Variants in CADM2 observed in about 807,000 individuals in gnomAD.
CADM2 encodes the protein cell adhesion molecule 2, also known as immunoglobulin superfamily member 4D.
Under a neutral mutation model 49.8 loss-of-function variants are expected in CADM2, and 12 were observed. The observed-to-expected ratio is 0.24, with a 90% CI of 0.15 to 0.39. The LOEUF (loss-of-function observed/expected upper bound fraction) is 0.39. Among genes scored for constraint, CADM2 ranks in the 10% least tolerant of loss-of-function variants. CADM2 has a pLI of 1.00. For synonymous variants in CADM2, 214 were observed against 175.4 expected (o/e 1.22, Z -1.74); for missense variants, 378 against 492.3 (o/e 0.77, Z 2.20).
chr3:85,667,009 A>G (rs1412650949), intron 1 of CADM2, among the ~76,000 whole-genome samples: 1 of 152,108 alleles, frequency 6.6e-6, no homozygotes, highest in Non-Finnish European at 1.5e-5. Flanking sequence ...CAAACAGGAT[A>G]TTACAAGATG....
At chr3:85,934,265 G>T (rs1438993261) in intron 6 of CADM2, among the ~76,000 whole-genome samples, 2 of 152,068 alleles carry the variant, frequency 1.3e-5, no homozygotes, top group African/African-American at 4.8e-5. Context: ...GTTCACAACT[G>T]TCATCTTCAT....
At chr3:85,528,546 T>G (rs755018765) in intron 1 of CADM2, among the ~76,000 whole-genome samples, 10 of 152,192 alleles carry the variant, frequency 6.6e-5, no homozygotes, top group Non-Finnish European at 1.2e-4. Context: ...TCAGTCTTCA[T>G]TATGGCGTAA....
At chr3:85,869,304 A>C (rs73147142) in intron 3 of CADM2, among the ~76,000 whole-genome samples, 11,521 of 152,170 alleles carry the variant, frequency 0.076, 778 homozygotes, top group African/African-American at 0.17. Flanking sequence ...ACTGAATTTA[A>C]ATATGGAATA....
chr3:85,040,558 G>C (rs1233627114), intron 1 of CADM2, among the ~76,000 whole-genome samples: 1 of 150,704 alleles, frequency 6.6e-6, no homozygotes, highest in African/African-American at 2.4e-5. Context: ...CGCTAGAGGA[G>C]AATTAAGCCA....
chr3:85,423,519 C>T (rs943266657), intron 1 of CADM2, among the ~76,000 whole-genome samples: 8 of 152,156 alleles, frequency 5.3e-5, no homozygotes, highest in Middle Eastern at 3.4e-3. Context: ...GATTGGCCTA[C>T]GAATAATAAT....
chr3:86,035,214 G>GT (rs1226060184), intron 8 of CADM2, among the ~76,000 whole-genome samples: 1 of 151,946 alleles, frequency 6.6e-6, no homozygotes, highest in Admixed American at 6.6e-5. Context: ...TTCCCCATAG[G>GT]TCGTGATCTC....
At chr3:85,029,625 A>G (rs2034891222) in intron 1 of CADM2, among the ~76,000 whole-genome samples, 1 of 152,226 alleles carries the variant, frequency 6.6e-6, no homozygotes, top group Non-Finnish European at 1.5e-5. Context: ...GTTTCTCACC[A>G]TTGTGATCTT....
chr3:85,158,766 C>T (rs946971265), intron 1 of CADM2, among the ~76,000 whole-genome samples: 3 of 151,936 alleles, frequency 2.0e-5, no homozygotes, highest in African/African-American at 7.3e-5. Context: ...GGGTGCAGCA[C>T]ACCAGCATGG....
intron 1 of CADM2, among the ~76,000 whole-genome samples, chr3:85,334,959 G>A (rs1012233060): frequency 6.6e-6 from 1 of 150,622 alleles, no homozygotes; most frequent in African/African-American, 2.4e-5. Flanking sequence ...ATAAAAATAG[G>A]GCTATGAAGT....
chr3:85,987,687 A>G (rs1728281093), intron 8 of CADM2, among the ~76,000 whole-genome samples: 1 of 146,740 alleles, frequency 6.8e-6, no homozygotes, highest in South Asian at 2.1e-4. Flanking sequence ...ATTTATATAA[A>G]ATAATATAAT....
At chr3:85,897,288 A>C (rs1267080118) in intron 5 of CADM2, among the ~76,000 whole-genome samples, 1 of 78,644 alleles carries the variant, frequency 1.3e-5, no homozygotes, top group Non-Finnish European at 2.1e-5. Context: ...TTTGAGACGG[A>C]GTCTCGCTCT....
chr3:85,584,848 T>C (rs1002120209), intron 1 of CADM2, among the ~76,000 whole-genome samples: 27 of 152,036 alleles, frequency 1.8e-4, no homozygotes, highest in African/African-American at 6.3e-4. Context: ...ATTTAAAGCT[T>C]GTGCTACTTC....
intron 1 of CADM2, among the ~76,000 whole-genome samples, chr3:85,464,293 T>C (rs1410081171): frequency 1.3e-5 from 2 of 152,186 alleles, no homozygotes; most frequent in African/African-American, 4.8e-5. Flanking sequence ...TGTGATCACA[T>C]CAATCTAAAA....
At chr3:85,630,755 A>C (rs971782293) in intron 1 of CADM2, among the ~76,000 whole-genome samples, 4 of 152,036 alleles carry the variant, frequency 2.6e-5, no homozygotes, top group Non-Finnish European at 5.9e-5. Flanking sequence ...CTAAGAAAGA[A>C]AATTAAGCAT....
At chr3:85,089,931 C>A (rs2037532306) in intron 1 of CADM2, among the ~76,000 whole-genome samples, 1 of 152,080 alleles carries the variant, frequency 6.6e-6, no homozygotes, top group African/African-American at 2.4e-5. Flanking sequence ...TTGGCGGGGA[C>A]TGAAAGTTTC....
intron 3 of CADM2, among the ~76,000 whole-genome samples, chr3:85,873,018 G>T (rs1026218699): frequency 3.5e-4 from 53 of 152,312 alleles, no homozygotes; most frequent in Middle Eastern, 3.4e-3. Flanking sequence ...AGGCTGAAGT[G>T]TAAGAACATG....
intron 5 of CADM2, among the ~76,000 whole-genome samples, chr3:85,908,283 C>T (rs1717083402): frequency 8.3e-6 from 1 of 120,628 alleles, no homozygotes; most frequent in South Asian, 2.8e-4. Flanking sequence ...TTCCAGTTAA[C>T]CTAACTTGAA....
intron 1 of CADM2, among the ~76,000 whole-genome samples, chr3:85,628,728 A>G (rs2064210650): frequency 6.7e-6 from 1 of 150,302 alleles, no homozygotes; most frequent in African/African-American, 2.4e-5. Context: ...ATAAATATTT[A>G]TACACTATAC....
intron 1 of CADM2, among the ~76,000 whole-genome samples, chr3:85,287,538 C>T (rs1576284442): frequency 6.6e-6 from 1 of 151,886 alleles, no homozygotes; most frequent in Admixed American, 6.6e-5. Context: ...AATCAATTTC[C>T]TAAAAAAAGA....
Sources: allele counts gnomAD v4.1 joint callset (sites outside exome capture counted in the v4.1 genomes callset), GRCh38; gene constraint gnomAD v4.1.1; transcripts MANE v1.5; gene names NCBI Gene and HGNC (gene_info 2026-07-23, HGNC 2026-07-21).